Variants in PCDHA13 observed in about 807,000 individuals in gnomAD.
PCDHA13 encodes the protein protocadherin alpha 13.
In PCDHA13, 54 loss-of-function variants were observed where a neutral mutation model predicts 64.8. The ratio of observed to expected loss-of-function variants is 0.83; its 90% CI spans 0.67 to 1.04. The LOEUF (loss-of-function observed/expected upper bound fraction) is 1.04, where lower values mean the gene tolerates loss of function less well. Ranked by LOEUF, PCDHA13 falls within the 50% of genes least tolerant of loss-of-function variation. The probability of loss-of-function intolerance (pLI) is 0.00; values close to 1 mark genes in which losing one functional copy is unlikely to be tolerated. For missense variants in PCDHA13, 1,248 were observed against 1,254.3 expected (o/e 0.99, Z 0.08); for synonymous variants, 587 against 564.4 (o/e 1.04, Z -0.57).
chr5:140,952,219 C>T (rs1442706652), intron 1 of PCDHA13, among the ~76,000 whole-genome samples: 24 of 152,086 alleles, frequency 1.6e-4, no homozygotes, highest in African/African-American at 4.8e-4. Flanking sequence ...CTTTTCCAGG[C>T]ACAGTGTGCA....
chr5:140,980,259 G>T (rs1200649581), intron 2 of PCDHA13, among the ~76,000 whole-genome samples: 1 of 152,192 alleles, frequency 6.6e-6, no homozygotes. Flanking sequence ...TAAAAGCATG[G>T]TTTACAGTAC....
chr5:140,939,758 T>G (rs2092452335), intron 1 of PCDHA13, among the ~76,000 whole-genome samples: 1 of 152,234 alleles, frequency 6.6e-6, no homozygotes, highest in Non-Finnish European at 1.5e-5. Context: ...TGTCATTATA[T>G]AGTATTTCAG....
chr5:140,948,255 C>G (rs1271882562), intron 1 of PCDHA13, among the ~76,000 whole-genome samples: 1 of 151,484 alleles, frequency 6.6e-6, no homozygotes, highest in Non-Finnish European at 1.5e-5. Flanking sequence ...ATTTTTACAT[C>G]TGTGTTCATG....
At chr5:140,972,316 G>T (rs2096531069) in intron 1 of PCDHA13, among the ~76,000 whole-genome samples, 2 of 139,864 alleles carry the variant, frequency 1.4e-5, no homozygotes, top group South Asian at 2.3e-4. Flanking sequence ...GTTTTTAGGT[G>T]TTTTTTTTTT....
intron 1 of PCDHA13, among the ~76,000 whole-genome samples, chr5:140,901,222 C>A (rs1336015424): frequency 6.6e-6 from 1 of 151,984 alleles, no homozygotes; most frequent in Admixed American, 6.6e-5. Context: ...TGATGTGATC[C>A]CATATATCCA....
chr5:140,891,133 A>AAAGGT (rs1241650823), intron 1 of PCDHA13, among the ~76,000 whole-genome samples: 2 of 152,106 alleles, frequency 1.3e-5, no homozygotes, highest in Non-Finnish European at 1.5e-5. Context: ...TCATTCCTTT[A>AAAGGT]AAGGTATTCT....
At chr5:140,964,378 T>A (rs182628269) in intron 1 of PCDHA13, among the ~76,000 whole-genome samples, 1 of 151,270 alleles carries the variant, frequency 6.6e-6, no homozygotes, top group Non-Finnish European at 1.5e-5. Context: ...GAAAGGAGAG[T>A]CCTGGTTTTT....
At chr5:140,911,449 C>G (rs1554194734) in intron 1 of PCDHA13, among the ~76,000 whole-genome samples, 1 of 152,116 alleles carries the variant, frequency 6.6e-6, no homozygotes, top group Non-Finnish European at 1.5e-5. Context: ...AATTTCAGCT[C>G]TTTCTCTACA....
chr5:140,896,046 G>A (rs1430238321), intron 1 of PCDHA13, among the ~76,000 whole-genome samples: 2 of 151,866 alleles, frequency 1.3e-5, no homozygotes, highest in East Asian at 1.9e-4. Context: ...CCTGACCTCA[G>A]GTGATCCGCC....
At chr5:140,936,604 G>A (rs1186463181) in intron 1 of PCDHA13, among the ~76,000 whole-genome samples, 4 of 152,116 alleles carry the variant, frequency 2.6e-5, no homozygotes, top group South Asian at 2.1e-4. Context: ...TACTTTCCTC[G>A]CTGCTACTGT....
At chr5:140,924,903 AAATAAAAT>A (rs1318660055) in intron 1 of PCDHA13, among the ~76,000 whole-genome samples, 2 of 54,856 alleles carry the variant, frequency 3.6e-5, no homozygotes, top group African/African-American at 8.4e-5. Context: ...TCAAAAAAAA[AAATAAAAT>A]AAAATAAAAT....
intron 1 of PCDHA13, among the ~76,000 whole-genome samples, chr5:140,931,244 T>C (rs1161128281): frequency 6.6e-6 from 1 of 152,168 alleles, no homozygotes; most frequent in Non-Finnish European, 1.5e-5. Context: ...ACACTTTTCC[T>C]ACCAAGAAAT....
chr5:140,936,593 C>T (rs1475903432), intron 1 of PCDHA13, among the ~76,000 whole-genome samples: 1 of 152,168 alleles, frequency 6.6e-6, no homozygotes, highest in African/African-American at 2.4e-5. Context: ...GTTAGATTGC[C>T]TACTTTCCTC....
chr5:140,966,240 G>A (rs1372436745), intron 1 of PCDHA13: 3 of 306,008 alleles, frequency 9.8e-6, no homozygotes, highest in Non-Finnish European at 1.8e-5. Flanking sequence ...GACCCGTTAA[G>A]CAGGGGAGAG....
intron 1 of PCDHA13, among the ~76,000 whole-genome samples, chr5:140,888,049 T>C (rs554327528): frequency 1.3e-5 from 2 of 152,354 alleles, no homozygotes; most frequent in South Asian, 2.1e-4. Context: ...GTATAATAGA[T>C]GTTTTAACTT....
At chr5:140,932,145 C>G (rs1231469475) in intron 1 of PCDHA13, among the ~76,000 whole-genome samples, 2 of 151,710 alleles carry the variant, frequency 1.3e-5, no homozygotes, top group African/African-American at 4.8e-5. Context: ...AAAATTGATT[C>G]ACTGATTGTA....
At chr5:140,928,321 A>G (rs1296238254) in intron 1 of PCDHA13, 1 of 1,614,162 alleles carries the variant, frequency 6.2e-7, no homozygotes, top group Non-Finnish European at 8.5e-7. Context: ...CCTGGGGAAG[A>G]ATGGCCTTGT....
chr5:141,010,462 T>A lies in PCDHA13; in HGVS notation c.*525T>A. On this transcript the variant is annotated 3_prime_UTR_variant, in exon 4 of 4. Transcript: ENST00000289272. ...ACAAATAAACAGCGGAAGTTATCAGTATGGAGGGGAAGTGTAAACTTAAAG... is the reference window on the plus strand; with the variant it reads ...ACAAATAAACAGCGGAAGTTATCAGAATGGAGGGGAAGTGTAAACTTAAAG... The A allele has an allele frequency of 2.4e-6, 2 of 822,568 alleles. No individual in the cohort carries two copies. Among genetic ancestry groups the A allele is most frequent in the Non-Finnish European group, 3.6e-6 (2 of 552,664 alleles). The allele number at this position is 822,568 out of a possible 1,614,324, so 51.0% of individuals were successfully genotyped here.
chr5:140,928,172 C>T (rs782267454), intron 1 of PCDHA13: 1 of 1,614,200 alleles, frequency 6.2e-7, no homozygotes, highest in South Asian at 1.1e-5. Flanking sequence ...CCACTTAGCA[C>T]CCGAAGGACA....
Sources: allele counts gnomAD v4.1 joint callset (sites outside exome capture counted in the v4.1 genomes callset), GRCh38; gene constraint gnomAD v4.1.1; transcripts MANE v1.5; gene names NCBI Gene and HGNC (gene_info 2026-07-23, HGNC 2026-07-21).